CYYR1: variants seen among roughly 807,000 people sequenced by gnomAD.
CYYR1 encodes the protein cysteine and tyrosine rich 1, also known as cysteine and tyrosine-rich protein 1.
Under a neutral mutation model 15.2 loss-of-function variants are expected in CYYR1, and 14 were observed. That is an observed-to-expected ratio of 0.92 (90% CI 0.61 to 1.44). The LOEUF is 1.44. Among genes scored for constraint, CYYR1 ranks in the 40% most tolerant of loss-of-function variants. CYYR1 has a pLI of 0.00. For synonymous variants in CYYR1, 80 were observed against 77.4 expected (o/e 1.03, Z -0.18); for missense variants, 228 against 209.5 (o/e 1.09, Z -0.54).
chr21:26,543,129 G>A (rs895131943), intron 2 of CYYR1, among the ~76,000 whole-genome samples: 2 of 152,162 alleles, frequency 1.3e-5, no homozygotes, highest in African/African-American at 4.8e-5. Context: ...AGTAGGAGCT[G>A]AACAAGGAGA....
At chr21:26,512,284 C>T (rs918887365) in intron 2 of CYYR1, among the ~76,000 whole-genome samples, 5 of 152,014 alleles carry the variant, frequency 3.3e-5, no homozygotes, top group Non-Finnish European at 7.4e-5. Context: ...CTGCAACCTC[C>T]GTCTCCAGGG....
rs1167082384 is a variant in CYYR1 at position 26,573,111 on chromosome 21, G to C, written c.-171C>G. ...AGGGAGCCCGGGCCGGGCGCGTCCC[G>C]GGCCAGCGACTGCGGGACTCCGCGG... is the stretch of plus-strand genomic sequence containing the variant. On this transcript the variant is annotated 5_prime_UTR_variant, in exon 1 of 4. Coordinates refer to ENST00000652641, the MANE Select transcript of CYYR1 (RefSeq NM_001320768.2). The C allele has an allele frequency of 6.6e-7, 1 of 1,514,218 alleles. No homozygotes were observed. 93.8% of individuals were successfully genotyped at this position (1,514,218 alleles called of 1,614,324 possible).
chr21:26,508,408 G>C (rs190994683), intron 2 of CYYR1, among the ~76,000 whole-genome samples: 11 of 152,270 alleles, frequency 7.2e-5, no homozygotes, highest in Admixed American at 6.5e-4. Context: ...TAGATTTGAG[G>C]TTGGGTTGGA....
chr21:26,486,182 A>G (rs1013177535), intron 2 of CYYR1, among the ~76,000 whole-genome samples: 6 of 152,098 alleles, frequency 3.9e-5, no homozygotes, highest in African/African-American at 1.4e-4. Context: ...CCTTTACAAA[A>G]TATGTAGTTT....
chr21:26,525,065 T>A (rs1371288901), intron 2 of CYYR1, among the ~76,000 whole-genome samples: 5 of 152,202 alleles, frequency 3.3e-5, no homozygotes, highest in Non-Finnish European at 1.5e-5. Context: ...CTCAGTACCA[T>A]CTTCCAATTC....
At chr21:26,484,892 A>G (rs1433200842) in intron 2 of CYYR1, among the ~76,000 whole-genome samples, 1 of 152,024 alleles carries the variant, frequency 6.6e-6, no homozygotes, top group Non-Finnish European at 1.5e-5. Context: ...AGTTTTTTTG[A>G]TTAAATCATG....
At chr21:26,485,156 C>T (rs1328257494) in intron 2 of CYYR1, among the ~76,000 whole-genome samples, 2 of 151,884 alleles carry the variant, frequency 1.3e-5, no homozygotes, top group African/African-American at 4.8e-5. Flanking sequence ...TAAAACAACG[C>T]CTTGCAAGGT....
At chr21:26,496,396 A>T (rs1367896335) in intron 2 of CYYR1, among the ~76,000 whole-genome samples, 9 of 152,224 alleles carry the variant, frequency 5.9e-5, no homozygotes, top group African/African-American at 1.9e-4. Flanking sequence ...AGAAAAAAAG[A>T]GGTAATGACT....
chr21:26,509,390 C>A lies in CYYR1; in HGVS notation c.177-28961G>T, dbSNP rs148801931. On this transcript the variant is annotated intron_variant, in intron 2 of 3. Transcript: ENST00000652641. ...TGTGGCACCTAAGCCTTAATAACTT[C>A]CTATCCCTTTTTACTATTTTATTTT... is the stretch of plus-strand genomic sequence containing the variant. Among the ~76,000 whole-genome samples, 257 of 152,298 alleles carry A rather than the reference C, an allele frequency of 1.7e-3. 2 individuals carry two copies. Among genetic ancestry groups the A allele is most frequent in the African/African-American group, 6.0e-3 (248 of 41,562 alleles).
chr21:26,510,759 T>A (rs949462892), intron 2 of CYYR1, among the ~76,000 whole-genome samples: 4 of 152,234 alleles, frequency 2.6e-5, no homozygotes. Context: ...AGATATTGAA[T>A]TTATATATAA....
intron 2 of CYYR1, among the ~76,000 whole-genome samples, chr21:26,482,950 C>T (rs2065201877): frequency 6.6e-6 from 1 of 151,914 alleles, no homozygotes; most frequent in Non-Finnish European, 1.5e-5. Context: ...GACTCACGTC[C>T]TTCAGTTGTT....
chr21:26,525,019 C>A (rs1475299244), intron 2 of CYYR1, among the ~76,000 whole-genome samples: 2 of 152,180 alleles, frequency 1.3e-5, no homozygotes, highest in African/African-American at 4.8e-5. Context: ...AGAACATTCC[C>A]TCCGTCATCC....
intron 2 of CYYR1, among the ~76,000 whole-genome samples, chr21:26,488,966 T>C (rs902033024): frequency 6.6e-6 from 1 of 152,176 alleles, no homozygotes; most frequent in Non-Finnish European, 1.5e-5. Flanking sequence ...GTGTGTGATA[T>C]GCTACCCAAC....
chr21:26,534,866 T>C (rs189195617), intron 2 of CYYR1, among the ~76,000 whole-genome samples: 1 of 152,182 alleles, frequency 6.6e-6, no homozygotes, highest in East Asian at 1.9e-4. Context: ...TTGACAGATA[T>C]AGACAGGTAC....
chr21:26,477,458 C>T (rs558007054), intron 3 of CYYR1: 1 of 156,886 alleles, frequency 6.4e-6, no homozygotes, highest in Non-Finnish European at 1.4e-5. Flanking sequence ...AATAAAAATG[C>T]AATACATTCC....
chr21:26,507,603 G>A (rs2065585905), intron 2 of CYYR1, among the ~76,000 whole-genome samples: 3 of 152,190 alleles, frequency 2.0e-5, no homozygotes. Flanking sequence ...TAATAGCAAT[G>A]GCTGTGAGCC....
At chr21:26,556,737 C>T (rs915059104) in intron 2 of CYYR1, among the ~76,000 whole-genome samples, 2 of 152,112 alleles carry the variant, frequency 1.3e-5, no homozygotes, top group Admixed American at 1.3e-4. Context: ...GAGAAATCCA[C>T]GCCCATGATC....
In CYYR1 at chr21:26,534,582, C is replaced by T. The variant is rs2065972804; in HGVS notation, c.176+31684G>A. 2.0e-5 allele frequency among the ~76,000 whole-genome samples: 3 copies of T among 152,070 alleles called. 1 individual carries two copies. The South Asian group carries it at 6.2e-4, about 32-fold the overall frequency. On this transcript the variant is annotated intron_variant, in intron 2 of 3. Coordinates refer to ENST00000652641, the MANE Select transcript of CYYR1 (RefSeq NM_001320768.2). Reference sequence around the variant, plus strand: ...GAATAAAACCTTTGATCCTTTGGCTCGCTCTCAGTATCGTTGCCACTTAAC... The same window carrying T: ...GAATAAAACCTTTGATCCTTTGGCTTGCTCTCAGTATCGTTGCCACTTAAC...
intron 2 of CYYR1, among the ~76,000 whole-genome samples, chr21:26,495,815 T>A (rs1053360772): frequency 2.0e-5 from 3 of 152,204 alleles, no homozygotes; most frequent in African/African-American, 7.2e-5. Context: ...GATTCCAGAA[T>A]CTTATTAAAA....
Sources: allele counts gnomAD v4.1 joint callset (sites outside exome capture counted in the v4.1 genomes callset), GRCh38; gene constraint gnomAD v4.1.1; transcripts MANE v1.5; gene names NCBI Gene and HGNC (gene_info 2026-07-23, HGNC 2026-07-21).